STK33: variants seen among roughly 807,000 people sequenced by gnomAD.
The protein encoded by STK33 is serine/threonine-protein kinase 33.
Under a neutral mutation model 58.0 loss-of-function variants are expected in STK33, and 52 were observed. The ratio of observed to expected loss-of-function variants is 0.90; its 90% CI spans 0.72 to 1.13. The LOEUF (loss-of-function observed/expected upper bound fraction) is 1.13. Among genes scored for constraint, STK33 ranks in the 50% most tolerant of loss-of-function variants. The pLI, the probability that STK33 is intolerant of heterozygous loss-of-function variation, is 0.00. For synonymous variants in STK33, 215 were observed against 200.1 expected (o/e 1.07, Z -0.63); for missense variants, 630 against 604.2 (o/e 1.04, Z -0.45).
intron 1 of STK33, chr11:8,533,271 T>G (rs1163590503): frequency 1.3e-5 from 2 of 152,216 alleles, no homozygotes; most frequent in Admixed American, 1.3e-4. Context: ...TTTACATTAT[T>G]ACTTAAAAGA....
chr11:8,531,140 A>G (rs566666257), intron 1 of STK33, among the ~76,000 whole-genome samples: 1 of 152,342 alleles, frequency 6.6e-6, no homozygotes, highest in East Asian at 1.9e-4. Context: ...TAAACATCTC[A>G]AATTGTAAAA....
intron 4 of STK33, chr11:8,475,585 C>T (rs1949190424): frequency 6.6e-6 from 1 of 152,070 alleles, no homozygotes; most frequent in Non-Finnish European, 1.5e-5. Flanking sequence ...CTAGCTAATC[C>T]TAAAAGTTTA....
the STK33 span, among the ~76,000 whole-genome samples, chr11:8,346,865 G>T: frequency 6.6e-6 from 1 of 152,228 alleles, no homozygotes; most frequent in African/African-American, 2.4e-5. Flanking sequence ...GAGCTCTGGA[G>T]TCAGAGAGAA....
intron 1 of STK33, among the ~76,000 whole-genome samples, chr11:8,529,935 C>T (rs914060543): frequency 2.0e-5 from 3 of 152,126 alleles, no homozygotes; most frequent in African/African-American, 7.2e-5. Flanking sequence ...TAATTAGTTA[C>T]GTGAGCAAGA....
chr11:8,412,325 T>C (rs1025677465), intron 15 of STK33, among the ~76,000 whole-genome samples: 4 of 152,216 alleles, frequency 2.6e-5, no homozygotes, highest in Admixed American at 2.6e-4. Flanking sequence ...TCGTAGGAGT[T>C]AACACACTAG....
intron 14 of STK33, among the ~76,000 whole-genome samples, chr11:8,416,748 T>C (rs541252625): frequency 7.8e-4 from 119 of 152,286 alleles, no homozygotes; most frequent in African/African-American, 2.8e-3. Context: ...TCTCATTCTA[T>C]AGAGACTGTG....
At chr11:8,426,599 T>A (rs1942800422) in intron 14 of STK33, among the ~76,000 whole-genome samples, 2 of 152,232 alleles carry the variant, frequency 1.3e-5, no homozygotes, top group South Asian at 4.1e-4. Flanking sequence ...GTTTTCTCTA[T>A]TTCTGTCTTA....
At chr11:8,460,379 G>GATATATAT (rs138481585) in intron 8 of STK33, among the ~76,000 whole-genome samples, 1 of 150,952 alleles carries the variant, frequency 6.6e-6, no homozygotes. Context: ...GGAATATATA[G>GATATATAT]ATATATATAT....
intron 9 of STK33, 136 bp downstream of exon 9, chr11:8,457,205 C>G (rs980983750): frequency 2.7e-6 from 2 of 740,900 alleles, no homozygotes; most frequent in Admixed American, 3.9e-5. Flanking sequence ...AAAAAGGAAA[C>G]ATTTTTAACT....
intron 1 of STK33, among the ~76,000 whole-genome samples, chr11:8,586,772 C>A (rs1442476454): frequency 7.2e-6 from 1 of 139,418 alleles, no homozygotes; most frequent in African/African-American, 2.7e-5. Context: ...TGCAGTGAGC[C>A]AAGATCACAC....
chr11:8,527,535 TG>T lies in STK33; in HGVS notation c.-465-46922del, dbSNP rs370586699. ...CCCCAGGAAGAAAAGAGGGTTGGGG[TG>T]GAAGACATAAGTAGGCACAGTTCAC... On this transcript the variant is annotated intron_variant, in intron 1 of 15. Coordinates refer to ENST00000687296, the MANE Select transcript of STK33 (RefSeq NM_001352389.2). Among the ~76,000 whole-genome samples the T allele has an allele frequency of 2.0e-3, 301 of 151,966 alleles. 3 individuals are homozygous for T. Among genetic ancestry groups the T allele is most frequent in the African/African-American group, 6.9e-3 (286 of 41,458 alleles).
At chr11:8,376,770 A>G in the STK33 span, among the ~76,000 whole-genome samples, 24 of 151,764 alleles carry the variant, frequency 1.6e-4, no homozygotes, top group African/African-American at 5.8e-4. Flanking sequence ...TTGATCTCCT[A>G]ATCTCGTGAT....
intron 1 of STK33, among the ~76,000 whole-genome samples, chr11:8,573,352 G>T (rs935038066): frequency 2.4e-4 from 37 of 152,282 alleles, no homozygotes; most frequent in Non-Finnish European, 4.4e-4. Context: ...AACATCATTA[G>T]GCTTTGGGGA....
intron 1 of STK33, among the ~76,000 whole-genome samples, chr11:8,492,439 T>A (rs983347730): frequency 6.6e-6 from 1 of 152,144 alleles, no homozygotes; most frequent in African/African-American, 2.4e-5. Flanking sequence ...GCACCCAGAT[T>A]CATAAAGCAA....
chr11:8,575,638 G>A (rs1367394841), intron 1 of STK33, among the ~76,000 whole-genome samples: 1 of 152,110 alleles, frequency 6.6e-6, no homozygotes, highest in South Asian at 2.1e-4. Context: ...GTTTCTGTTT[G>A]GGGTGTTGAA....
intron 1 of STK33, among the ~76,000 whole-genome samples, chr11:8,544,314 A>AATATGTATAT (rs141882264): frequency 0.54 from 78,809 of 144,710 alleles, 21,783 homozygotes; most frequent in South Asian, 0.64. Flanking sequence ...ATATATATAA[A>AATATGTATAT]ATATGTATAT....
intron 15 of STK33, among the ~76,000 whole-genome samples, chr11:8,408,075 A>C (rs771014905): frequency 1.3e-5 from 2 of 152,360 alleles, no homozygotes; most frequent in South Asian, 4.1e-4. Flanking sequence ...GATAAATATA[A>C]GAAATTTTTC....
chr11:8,449,706 C>T (rs916178495), intron 11 of STK33, among the ~76,000 whole-genome samples: 4 of 151,936 alleles, frequency 2.6e-5, no homozygotes, highest in African/African-American at 9.7e-5. Flanking sequence ...GTTCAGCACA[C>T]CAACATGGCA....
downstream of STK33, among the ~76,000 whole-genome samples, chr11:8,389,854 A>C (rs1475643313): frequency 2.6e-5 from 4 of 152,088 alleles, no homozygotes; most frequent in Non-Finnish European, 5.9e-5. Context: ...TGACTCTTAA[A>C]ATCTCAGCTT....
Sources: allele counts gnomAD v4.1 joint callset (sites outside exome capture counted in the v4.1 genomes callset), GRCh38; gene constraint gnomAD v4.1.1; transcripts MANE v1.5; gene names NCBI Gene and HGNC (gene_info 2026-07-23, HGNC 2026-07-21).